The following FGD1 variants were observed in gnomAD, a reference collection of about 807,000 sequenced individuals.
FGD1 encodes FYVE, RhoGEF and PH domain containing 1, also known as FYVE, RhoGEF and PH domain-containing protein 1.
Under a neutral mutation model 65.0 loss-of-function variants are expected in FGD1, and 12 were observed. That is an observed-to-expected ratio of 0.18 (90% CI 0.12 to 0.30). The LOEUF (loss-of-function observed/expected upper bound fraction) is 0.30. Ranked by LOEUF, FGD1 falls within the 10% of genes least tolerant of loss-of-function variation. The pLI, the probability that FGD1 is intolerant of heterozygous loss-of-function variation, is 1.00. For synonymous variants in FGD1, 333 were observed against 343.9 expected, an observed-to-expected ratio of 0.97 and a Z score of 0.35; for missense variants, 542 against 837.6, an observed-to-expected ratio of 0.65 and a Z score of 4.36.
At chrX:54,462,616 T>G (rs961796126) in intron 8 of FGD1, among the ~76,000 whole-genome samples, 3 of 108,425 alleles carry the variant, frequency 2.8e-5, no homozygotes, top group African/African-American at 1.0e-4. Flanking sequence ...GGTCTCAAAC[T>G]CCAGACCTCA....
rs759075971 is a variant in FGD1 at position 54,455,721 on chromosome X, G to T, written c.1906C>A (p.Arg636=). The change falls in exon 11 of 18, where the codon CGG becomes AGG. Residue 636 remains arginine, a synonymous_variant. Transcript: ENST00000375135. ...LRLLGQKFSV[R]ARIDVDGMEL... is the part of the protein sequence containing the mutation. The stretch of plus-strand genomic sequence containing the variant: ...ATGCCATCTACATCAATGCGTGCCC[G>T]CACGCTAAACTTCTGGCCAAGGAGC... 7.5e-6 allele frequency: 9 copies of T among 1,192,453 alleles called. No individual in the cohort carries two copies. Among genetic ancestry groups the T allele is most frequent in the Non-Finnish European group, 1.0e-5 (9 of 884,412 alleles).
chrX:54,476,557 G>A (rs904147048), intron 1 of FGD1, among the ~76,000 whole-genome samples: 1 of 109,158 alleles, frequency 9.2e-6, no homozygotes, highest in Non-Finnish European at 1.9e-5. Context: ...CTTCTTTGTT[G>A]CCCAGGCTGG....
At chrX:54,466,003 A>G in intron 6 of FGD1, 151 bp from the exon 7 acceptor site, 6 of 676,646 alleles carry the variant, frequency 8.9e-6, no homozygotes, top group Non-Finnish European at 1.4e-5. Flanking sequence ...TGCTGCTTAC[A>G]TTACAGGCCA....
rs141161907 is a variant in FGD1 at position 54,474,658 on chromosome X, C to G, written c.308-3171G>C. 4.3e-3 allele frequency among the ~76,000 whole-genome samples: 481 copies of G among 113,089 alleles called. 2 individuals are homozygous for G. The highest frequency in any genetic ancestry group is 0.014 in the African/African-American group (435 of 31,217). On this transcript the variant is annotated intron_variant, in intron 1 of 17. Coordinates refer to ENST00000375135, the MANE Select transcript of FGD1 (RefSeq NM_004463.3). The stretch of plus-strand genomic sequence containing the variant: ...CCTGCTCAGCACATCCTGGCCTGGT[C>G]TTGCCCTGCCCTCCCCCTGGGCGTG...
Position 54,446,233 on chromosome X carries a change from C to T in FGD1, c.2762G>A (p.Arg921Gln), listed in dbSNP as rs368175921. The T allele has an allele frequency of 1.1e-5, 13 of 1,210,396 alleles. No homozygotes were observed. The highest frequency in any genetic ancestry group is 1.7e-5 in the African/African-American group (1 of 57,514). Residue 921 changes from arginine to glutamine, a missense_variant, in exon 18 of 18, where the codon CGA (arginine) becomes CAA (glutamine). By Grantham distance (43) the Arg-to-Gln change is conservative. Transcript: ENST00000375135. ...RWMAVLGRAG[R>Q]GDTFCPGPTL... is the part of the protein sequence containing the mutation. ...GGGCCCCGGGCAGAACGTGTCCCCT[C>T]GGCCCGCCCGGCCAAGCACAGCCAT...
intron 1 of FGD1, among the ~76,000 whole-genome samples, chrX:54,486,100 T>G (rs772279886): frequency 2.7e-4 from 30 of 109,586 alleles, no homozygotes; most frequent in African/African-American, 9.3e-4. Context: ...TTATTTTATT[T>G]TTTTGAGACA....
chrX:54,477,256 C>G (rs1271633240), intron 1 of FGD1, among the ~76,000 whole-genome samples: 3 of 112,151 alleles, frequency 2.7e-5, no homozygotes, highest in Non-Finnish European at 5.6e-5. Flanking sequence ...CCCCTGCCCC[C>G]CCAGGCATTC....
chrX:54,451,345 C>T (rs1051221286), intron 12 of FGD1, among the ~76,000 whole-genome samples: 77 of 107,695 alleles, frequency 7.1e-4, no homozygotes, highest in Non-Finnish European at 1.3e-3. Context: ...AGTGCAGTGG[C>T]GTGATCTCAG....
chrX:54,496,233 T>A lies in FGD1; in HGVS notation c.-801A>T, dbSNP rs1923543937. 1 of 111,319 alleles carries A rather than the reference T, an allele frequency of 9.0e-6. No homozygotes were observed. The highest frequency in any genetic ancestry group is 3.8e-4 in the South Asian group (1 of 2,636). 9.2% of individuals were successfully genotyped at this position (111,319 alleles called of 1,213,427 possible). A position where few individuals can be genotyped will look rare whatever the true frequency, so the allele number is the denominator to read the frequency against. ...CAGCCACAGCGGCACTGGGACCCAG[T>A]TACCGGGGCCCCGCCCCCTCGCCCG... On this transcript the variant is annotated 5_prime_UTR_variant, in exon 1 of 18. Transcript: ENST00000375135.
chrX:54,447,235 A>AAGGCCAAGGAG (rs1922236409), intron 17 of FGD1, 76 bp downstream of exon 17: 1 of 1,102,082 alleles, frequency 9.1e-7, no homozygotes, highest in African/African-American at 1.8e-5. Flanking sequence ...CTTATCTTCC[A>AAGGCCAAGGAG]AGGCCAAGGA....
In FGD1 at chrX:54,446,340, G is replaced by A. The variant is rs1922174653; in HGVS notation, c.2655C>T (p.Asp885=). ...GGGTGATCTTGAAGACATGCCTTCT[G>A]TCAGGCCGCTCCCCTGCCTCGGGCG... The part of the protein sequence containing the change: ...VGPPEAGERP[D]RRHVFKITQS... Residue 885 remains aspartate, a synonymous_variant, in exon 18 of 18, where the codon GAC becomes GAT. Coordinates refer to ENST00000375135, the MANE Select transcript of FGD1 (RefSeq NM_004463.3). The A allele has an allele frequency of 5.0e-6, 6 of 1,210,916 alleles. No homozygotes were observed. Among genetic ancestry groups the A allele is most frequent in the Non-Finnish European group, 6.7e-6 (6 of 894,971 alleles).
intron 8 of FGD1, among the ~76,000 whole-genome samples, chrX:54,464,981 G>A (rs978994230): frequency 9.2e-5 from 10 of 108,946 alleles, no homozygotes; most frequent in African/African-American, 2.7e-4. Flanking sequence ...TGGCCTCTCA[G>A]CTTGGTGGCT....
At chrX:54,482,923 C>A (rs749484123) in intron 1 of FGD1, among the ~76,000 whole-genome samples, 27 of 111,960 alleles carry the variant, frequency 2.4e-4, no homozygotes, top group Non-Finnish European at 4.7e-4. Flanking sequence ...AACATGGTGA[C>A]AATGTGCCAT....
In FGD1 at chrX:54,470,161, C is replaced by T. The variant is rs570837555; in HGVS notation, c.956G>A (p.Ser319Asn). 59 of 1,208,706 alleles carry T rather than the reference C, an allele frequency of 4.9e-5. No homozygotes were observed. The highest frequency in any genetic ancestry group is 6.4e-5 in the Non-Finnish European group (57 of 894,522). Residue 319 changes from serine (S) to asparagine (N), a missense_variant, in exon 4 of 18, where the codon AGT (serine) becomes AAT (asparagine). Around this residue, in one of 6 missense-constraint regions of FGD1, gnomAD observed 297 missense variants for 326.8 expected, o/e 0.91. Transcript: ENST00000375135. ...GGGGTCGGCCAAGGCAACAGGCACA[C>T]TAGCCAGGGCAGGGGGCCCAGGGCA... ...SLCPGPPALA[S>N]VPVALADPHR...
At chrX:54,493,498 T>G (rs1272282486) in intron 1 of FGD1, among the ~76,000 whole-genome samples, 2 of 111,314 alleles carry the variant, frequency 1.8e-5, no homozygotes, top group Non-Finnish European at 3.8e-5. Flanking sequence ...CTACCTAAAG[T>G]GGTTAGGGAC....
intron 1 of FGD1, among the ~76,000 whole-genome samples, chrX:54,487,977 C>CA (rs1242017940): frequency 2.9e-5 from 3 of 104,363 alleles, no homozygotes; most frequent in Non-Finnish European, 5.9e-5. Context: ...AACAAACAAA[C>CA]AAAAAAACCA....
At chrX:54,466,781 G>A (rs1279860886) in intron 6 of FGD1, among the ~76,000 whole-genome samples, 1 of 101,886 alleles carries the variant, frequency 9.8e-6, no homozygotes, top group Admixed American at 1.1e-4. Flanking sequence ...AGAGAGTCTT[G>A]CTCTGTTGCC....
chrX:54,470,330 G>C lies in FGD1; in HGVS notation c.787C>G (p.Arg263Gly). The change falls in exon 4 of 18, where the codon CGC becomes GGC. Residue 263 changes from arginine (R) to glycine (G), a missense_variant. By Grantham distance (125) the Arg-to-Gly change is moderately radical. This residue lies in a region of FGD1 where 297 missense variants were observed against 326.8 expected (regional missense o/e 0.91). Coordinates refer to ENST00000375135, the MANE Select transcript of FGD1 (RefSeq NM_004463.3). ...VPQLPEGEAS[R>G]CLFLLAPGPR... Reference sequence around the variant, plus strand: ...CCAGGAGCCAGCAGAAACAGGCAGCGGGAGGCCTCACCCTCGGGGAGCTGG... The same window carrying C: ...CCAGGAGCCAGCAGAAACAGGCAGCCGGAGGCCTCACCCTCGGGGAGCTGG... 3 of 1,208,444 alleles carry C rather than the reference G, an allele frequency of 2.5e-6. No individual in the cohort carries two copies. The highest frequency in any genetic ancestry group is 3.4e-6 in the Non-Finnish European group (3 of 893,873).
intron 13 of FGD1, 65 bp from the exon 14 acceptor site, chrX:54,449,825 C>G: frequency 1.2e-6 from 1 of 808,081 alleles, no homozygotes. Context: ...TCTACCCTCG[C>G]CTCACCTTCG....
Sources: allele counts gnomAD v4.1 joint callset (sites outside exome capture counted in the v4.1 genomes callset), GRCh38; gene constraint gnomAD v4.1.1; regional missense constraint gnomAD v4.1.1; transcripts MANE v1.5; gene names NCBI Gene and HGNC (gene_info 2026-07-23, HGNC 2026-07-21).